The following TJP2 variants were observed in gnomAD, a reference collection of about 807,000 sequenced individuals.
The protein encoded by TJP2 is tight junction protein 2.
In TJP2, 91 loss-of-function variants were observed where a neutral mutation model predicts 133.1. The observed-to-expected ratio is 0.68, with a 90% CI of 0.58 to 0.81. The LOEUF (loss-of-function observed/expected upper bound fraction) is 0.81. Ranked by LOEUF, TJP2 falls within the 40% of genes least tolerant of loss-of-function variation. TJP2 has a pLI of 0.00. For synonymous variants in TJP2, 592 were observed against 583.4 expected (o/e 1.01, Z -0.21); for missense variants, 1,541 against 1,565.6 (o/e 0.98, Z 0.26).
intron 1 of TJP2, among the ~76,000 whole-genome samples, chr9:69,180,594 G>A (rs1182501368): frequency 6.6e-6 from 1 of 152,178 alleles, no homozygotes; most frequent in Non-Finnish European, 1.5e-5. Flanking sequence ...TCTACAATGG[G>A]AATAGGAGTA....
chr9:69,177,093 G>A (rs185981670), intron 1 of TJP2, among the ~76,000 whole-genome samples: 3 of 152,322 alleles, frequency 2.0e-5, no homozygotes, highest in Admixed American at 6.5e-5. Context: ...CCATTAAGCA[G>A]TTGTGGCTAC....
intron 11 of TJP2, among the ~76,000 whole-genome samples, chr9:69,232,584 G>A (rs1310053244): frequency 6.6e-6 from 1 of 152,158 alleles, no homozygotes; most frequent in East Asian, 1.9e-4. Context: ...TCTGTTGTGG[G>A]GTTTTTAAGT....
At position 69,208,428 on chromosome 9, in the gene TJP2, A is replaced by AT. The variant is rs1827604054; in HGVS notation, c.61-4117dup. ...AGGAGATTAATCGTCTCTCTGACAA[A>AT]TTTAATTTAAATTACGCTTGCAGGC... On this transcript the variant is annotated intron_variant, in intron 1 of 22. Coordinates refer to ENST00000377245, the MANE Select transcript of TJP2 (RefSeq NM_004817.4). Among the ~76,000 whole-genome samples, 3 of 152,194 alleles carry AT rather than the reference A, an allele frequency of 2.0e-5. No individual in the cohort carries two copies. The South Asian group carries it at 6.2e-4, about 32-fold the overall frequency.
At chr9:69,240,627 T>G (rs749513702) in intron 17 of TJP2, among the ~76,000 whole-genome samples, 11 of 152,134 alleles carry the variant, frequency 7.2e-5, no homozygotes, top group Non-Finnish European at 1.5e-4. Flanking sequence ...AGCCCAGGGG[T>G]TGGAGACCAG....
At chr9:69,229,420 GA>G (rs919839251) in intron 10 of TJP2, among the ~76,000 whole-genome samples, 170 bp downstream of exon 10, 1 of 152,162 alleles carries the variant, frequency 6.6e-6, no homozygotes, top group Non-Finnish European at 1.5e-5. Context: ...TGATTTGTGG[GA>G]ACAGCAAAAT....
intron 2 of TJP2, among the ~76,000 whole-genome samples, chr9:69,215,281 A>C (rs1246954192): frequency 6.6e-6 from 1 of 151,964 alleles, no homozygotes; most frequent in African/African-American, 2.4e-5. Context: ...CAATACACAT[A>C]TATAACAAAC....
At chr9:69,244,164 A>G (rs1394669817) in intron 17 of TJP2, among the ~76,000 whole-genome samples, 2 of 149,118 alleles carry the variant, frequency 1.3e-5, no homozygotes, top group Non-Finnish European at 3.0e-5. Flanking sequence ...AGCCTGGGCG[A>G]CAATGAGACC....
At position 69,138,871 on chromosome 9, in the gene TJP2, C is replaced by T. The variant is rs550953312; in HGVS notation, c.-130-12780C>T. ...GGCGGATGTTGTAGTGAGCTGAGAT[C>T]GCACCACTGCACTCCAGCCTGGGTG... On this transcript the variant is annotated intron_variant, in intron 1 of 5. Coordinates refer to the TJP2 transcript ENST00000423935. Among the ~76,000 whole-genome samples, 242 of 151,690 alleles carry T rather than the reference C, an allele frequency of 1.6e-3. 1 individual carries two copies. Among genetic ancestry groups the T allele is most frequent in the African/African-American group, 5.6e-3 (232 of 41,332 alleles).
At chr9:69,174,120 G>A, upstream of TJP2, 1 of 1,216,600 alleles carries the variant, frequency 8.2e-7, no homozygotes, top group Non-Finnish European at 1.0e-6. Flanking sequence ...CAGGCGCGTG[G>A]GTGGTAGCGG....
At chr9:69,223,170 C>T (rs538325486) in intron 5 of TJP2, among the ~76,000 whole-genome samples, 2 of 151,938 alleles carry the variant, frequency 1.3e-5, no homozygotes, top group East Asian at 3.9e-4. Flanking sequence ...AGTGGAAAAC[C>T]ACAGTGGAGG....
intron 2 of TJP2, among the ~76,000 whole-genome samples, chr9:69,164,688 A>G (rs1456500007): frequency 6.6e-6 from 1 of 152,200 alleles, no homozygotes; most frequent in Non-Finnish European, 1.5e-5. Context: ...ATTCTGTTAA[A>G]AGAAGCTAAA....
chr9:69,145,840 G>A, intron 1 of TJP2: 1 of 1,219,580 alleles, frequency 8.2e-7, no homozygotes, highest in Non-Finnish European at 1.0e-6. Flanking sequence ...GAGGCTGGAA[G>A]CTTCTCACTA....
At chr9:69,251,674 A>AT (rs917801359) in intron 21 of TJP2, among the ~76,000 whole-genome samples, 9 of 151,640 alleles carry the variant, frequency 5.9e-5, no homozygotes, top group East Asian at 5.8e-4. Flanking sequence ...TTAGAATGTG[A>AT]TTTTTTTTTC....
intron 1 of TJP2, among the ~76,000 whole-genome samples, chr9:69,180,593 G>A (rs573136696): frequency 6.6e-6 from 1 of 152,282 alleles, no homozygotes; most frequent in East Asian, 1.9e-4. Flanking sequence ...CTCTACAATG[G>A]GAATAGGAGT....
chr9:69,252,762 T>C (rs1372500034), intron 21 of TJP2, 53 bp from the exon 22 acceptor site: 1 of 1,540,626 alleles, frequency 6.5e-7, no homozygotes, highest in Non-Finnish European at 9.0e-7. Context: ...GCAAGCAGAG[T>C]GCCCAGTGGT....
intron 10 of TJP2, 72 bp downstream of exon 10, chr9:69,229,322 AGTG>A: frequency 1.3e-6 from 2 of 1,513,980 alleles, no homozygotes; most frequent in South Asian, 2.2e-5. Flanking sequence ...AATCCAGAAG[AGTG>A]GTGGTTTTTG....
chr9:69,176,713 A>G (rs1416093525), intron 1 of TJP2, among the ~76,000 whole-genome samples: 1 of 152,220 alleles, frequency 6.6e-6, no homozygotes, highest in East Asian at 1.9e-4. Context: ...TTCTTTGTAC[A>G]CTGACAAAAG....
chr9:69,223,059 A>G (rs1265436034), intron 5 of TJP2, among the ~76,000 whole-genome samples: 1 of 84,694 alleles, frequency 1.2e-5, no homozygotes, highest in African/African-American at 5.4e-5. Flanking sequence ...ACAGAGCGAG[A>G]CTCTGTCTTG....
chr9:69,237,165 G>A, intron 14 of TJP2, 29 bp downstream of exon 14: 1 of 1,613,094 alleles, frequency 6.2e-7, no homozygotes, highest in Non-Finnish European at 8.5e-7. Context: ...GCCTGGAAAT[G>A]AACTGACTGG....
Sources: allele counts gnomAD v4.1 joint callset (sites outside exome capture counted in the v4.1 genomes callset), GRCh38; gene constraint gnomAD v4.1.1; transcripts MANE v1.5; gene names NCBI Gene and HGNC (gene_info 2026-07-23, HGNC 2026-07-21).